The following COL5A2 variants were observed in gnomAD, a reference collection of about 807,000 sequenced individuals.
COL5A2 encodes the protein collagen type V alpha 2 chain, also known as collagen alpha-2(V) chain.
A neutral mutation model predicts 208.2 loss-of-function variants in COL5A2; 23 were observed. The ratio of observed to expected loss-of-function variants is 0.11; its 90% CI spans 0.08 to 0.16. The LOEUF is 0.16. Ranked by LOEUF, COL5A2 falls within the 10% of genes least tolerant of loss-of-function variation. COL5A2 has a pLI of 1.00. For synonymous variants in COL5A2, 625 were observed against 628.5 expected (o/e 0.99, Z 0.08); for missense variants, 1,590 against 1,956.4 (o/e 0.81, Z 3.53).
At chr2:189,203,635 A>C (rs1056140332) in intron 1 of COL5A2, among the ~76,000 whole-genome samples, 1 of 152,184 alleles carries the variant, frequency 6.6e-6, no homozygotes, top group African/African-American at 2.4e-5. Context: ...CCCTACTTAC[A>C]TGGTTACAGT....
At chr2:189,323,106 G>A in the COL5A2 span, among the ~76,000 whole-genome samples, 9 of 152,214 alleles carry the variant, frequency 5.9e-5, no homozygotes, top group East Asian at 1.7e-3. Flanking sequence ...AAAGGCCTTC[G>A]AAAAAATTCA....
chr2:189,081,164 A>T, intron 12 of COL5A2, 121 bp from the exon 13 acceptor site: 1 of 769,824 alleles, frequency 1.3e-6, no homozygotes, highest in Non-Finnish European at 2.3e-6. Context: ...TATTAAGAAG[A>T]ACAAAAAAAA....
chr2:189,158,896 C>T (rs1037898588), intron 1 of COL5A2, among the ~76,000 whole-genome samples: 2 of 152,076 alleles, frequency 1.3e-5, no homozygotes, highest in Non-Finnish European at 2.9e-5. Flanking sequence ...TATTTTGCAA[C>T]TAAATTTGAA....
the COL5A2 span, among the ~76,000 whole-genome samples, chr2:189,250,909 G>A: frequency 1.3e-5 from 2 of 152,096 alleles, no homozygotes; most frequent in East Asian, 3.9e-4. Context: ...CAATCACCAT[G>A]CTTTAGTCAG....
intron 49 of COL5A2, among the ~76,000 whole-genome samples, chr2:189,042,030 G>T (rs1306009135): frequency 3.3e-5 from 5 of 152,188 alleles, no homozygotes; most frequent in African/African-American, 1.2e-4. Context: ...AGAAGTTGGA[G>T]TGTTTAAGTG....
the COL5A2 span, among the ~76,000 whole-genome samples, chr2:189,251,412 A>G: frequency 6.6e-6 from 1 of 152,174 alleles, no homozygotes; most frequent in Non-Finnish European, 1.5e-5. Context: ...TGAGATTCAT[A>G]GTGAACTAAA....
the COL5A2 span, among the ~76,000 whole-genome samples, chr2:189,251,262 G>A: frequency 6.6e-6 from 1 of 152,294 alleles, no homozygotes; most frequent in African/African-American, 2.4e-5. Context: ...GTGCCAGTGT[G>A]TAAATGAGAG....
chr2:189,286,336 G>T, the COL5A2 span, among the ~76,000 whole-genome samples: 2 of 152,074 alleles, frequency 1.3e-5, no homozygotes, highest in South Asian at 4.1e-4. Context: ...TGGCACACAT[G>T]AAAAGCACTT....
chr2:189,184,926 T>A (rs905775324), intron 1 of COL5A2, among the ~76,000 whole-genome samples: 3 of 152,252 alleles, frequency 2.0e-5, no homozygotes, highest in Admixed American at 6.5e-5. Flanking sequence ...TTATCATTAA[T>A]TCCTTGTCGG....
intron 3 of COL5A2, among the ~76,000 whole-genome samples, chr2:189,100,714 T>C (rs1403446758): frequency 6.6e-6 from 1 of 151,890 alleles, no homozygotes; most frequent in African/African-American, 2.4e-5. Flanking sequence ...TCCACTCAGA[T>C]GATTCTCAAT....
the COL5A2 span, among the ~76,000 whole-genome samples, chr2:189,427,043 G>A: frequency 2.0e-5 from 3 of 152,230 alleles, no homozygotes; most frequent in African/African-American, 7.2e-5. Context: ...TGATAGCCAA[G>A]ACAATGGGAG....
chr2:189,248,556 A>T, the COL5A2 span, among the ~76,000 whole-genome samples: 1 of 152,208 alleles, frequency 6.6e-6, no homozygotes, highest in Non-Finnish European at 1.5e-5. Context: ...TTTCATCATC[A>T]TGAGTTTGAG....
the COL5A2 span, among the ~76,000 whole-genome samples, chr2:189,420,975 T>C: frequency 1.4e-4 from 22 of 152,344 alleles, no homozygotes; most frequent in Middle Eastern, 3.4e-3. Context: ...ATTTGAAATA[T>C]TCTGATTAAA....
At chr2:189,079,769 G>A (rs956482331) in intron 14 of COL5A2, among the ~76,000 whole-genome samples, 9 of 152,262 alleles carry the variant, frequency 5.9e-5, no homozygotes, top group Non-Finnish European at 1.3e-4. Flanking sequence ...CAGACACCCA[G>A]TGCTATGGAG....
chr2:189,170,124 A>G (rs1287099202), intron 1 of COL5A2, among the ~76,000 whole-genome samples: 1 of 152,252 alleles, frequency 6.6e-6, no homozygotes, highest in African/African-American at 2.4e-5. Flanking sequence ...GATAGATAGT[A>G]TTCATCATAA....
Position 189,035,084 on chromosome 2 carries a change from T to C in COL5A2, c.4185A>G (p.Lys1395=), listed in dbSNP as rs1342694343. 5.6e-6 allele frequency: 9 copies of C among 1,613,836 alleles called. No individual in the cohort carries two copies. The highest frequency in any genetic ancestry group is 1.7e-5 in the Admixed American group (1 of 59,992). The part of the protein sequence containing the change: ...TQMTFLRLLS[K]EASQNITYIC... ...TGTAAGTGATGTTCTGGGAGGCTTC[T>C]TTTGATAAAAGGCGCAAAAAAGTCA... Residue 1395 remains lysine (K), a synonymous_variant, in exon 53 of 54, where the codon AAA becomes AAG. Transcript: ENST00000374866.
At chr2:189,111,817 GA>G (rs1347923679) in intron 1 of COL5A2, among the ~76,000 whole-genome samples, 1 of 151,450 alleles carries the variant, frequency 6.6e-6, no homozygotes, top group Non-Finnish European at 1.5e-5. Flanking sequence ...AGAAAAACTA[GA>G]TGAAAGTAAG....
At chr2:189,131,395 C>T (rs564518774) in intron 1 of COL5A2, among the ~76,000 whole-genome samples, 1 of 152,144 alleles carries the variant, frequency 6.6e-6, no homozygotes, top group Non-Finnish European at 1.5e-5. Context: ...CTGCTCAAGC[C>T]ATTGTAAAAA....
intron 31 of COL5A2, among the ~76,000 whole-genome samples, chr2:189,059,584 G>C (rs570652356): frequency 3.3e-4 from 7 of 21,234 alleles, no homozygotes; most frequent in Non-Finnish European, 1.3e-3. Context: ...TTTCTTTTCT[G>C]GTTTTTTTTT....
Sources: allele counts gnomAD v4.1 joint callset (sites outside exome capture counted in the v4.1 genomes callset), GRCh38; gene constraint gnomAD v4.1.1; transcripts MANE v1.5; gene names NCBI Gene and HGNC (gene_info 2026-07-23, HGNC 2026-07-21).